Variants in PLVAP observed in about 807,000 individuals in gnomAD.
PLVAP encodes the protein plasmalemma vesicle associated protein.
PLVAP carries 34 observed loss-of-function variants against 43.1 expected under a neutral mutation model. The ratio of observed to expected loss-of-function variants is 0.79; its 90% CI spans 0.60 to 1.05. The LOEUF (loss-of-function observed/expected upper bound fraction) is 1.05, where lower values mean the gene tolerates loss of function less well. Ranked by LOEUF, PLVAP falls within the 50% of genes least tolerant of loss-of-function variation. The pLI is 0.00. For synonymous variants in PLVAP, 241 were observed against 237.3 expected, an observed-to-expected ratio of 1.02 and a Z score of -0.14; for missense variants, 574 against 593.4, an observed-to-expected ratio of 0.97 and a Z score of 0.34.
At chr19:17,356,491 A>T (rs2074507273) in intron 5 of PLVAP, among the ~76,000 whole-genome samples, 1 of 152,048 alleles carries the variant, frequency 6.6e-6, no homozygotes, top group Non-Finnish European at 1.5e-5. Flanking sequence ...ACTAAACACT[A>T]TATTAATGAG....
chr19:17,355,750 G>A (rs955863259), intron 5 of PLVAP, among the ~76,000 whole-genome samples: 2 of 151,598 alleles, frequency 1.3e-5, no homozygotes, highest in African/African-American at 4.8e-5. Context: ...TGGCCATGCT[G>A]GTCTTGAACT....
chr19:17,357,111 A>C (rs1321026340), intron 5 of PLVAP, among the ~76,000 whole-genome samples: 4 of 150,532 alleles, frequency 2.7e-5, no homozygotes, highest in Non-Finnish European at 5.9e-5. Flanking sequence ...GAAACCCCAA[A>C]ATTTTTACAA....
At chr19:17,376,793 G>C in intron 1 of PLVAP, 127 bp downstream of exon 1, 4 of 991,062 alleles carry the variant, frequency 4.0e-6, no homozygotes, top group South Asian at 1.7e-5. Context: ...GCGAGACTCT[G>C]TCTCATAAGA....
At chr19:17,359,475 G>A (rs1324869656) in intron 5 of PLVAP, among the ~76,000 whole-genome samples, 5 of 151,446 alleles carry the variant, frequency 3.3e-5, no homozygotes, top group African/African-American at 1.2e-4. Context: ...GTGTCATCTC[G>A]GCTCACTGCA....
At chr19:17,368,314 C>T (rs1180308129) in intron 1 of PLVAP, among the ~76,000 whole-genome samples, 2 of 151,880 alleles carry the variant, frequency 1.3e-5, no homozygotes, top group Non-Finnish European at 1.5e-5. Flanking sequence ...TCAGGTGATC[C>T]GCCCACCTCG....
chr19:17,363,239 C>A (rs983548811), intron 3 of PLVAP, among the ~76,000 whole-genome samples: 5 of 152,106 alleles, frequency 3.3e-5, no homozygotes, highest in Non-Finnish European at 7.3e-5. Flanking sequence ...TCTGGGCTCG[C>A]TGCAACCTCT....
chr19:17,354,929 AAAT>A (rs2074500599), intron 5 of PLVAP, among the ~76,000 whole-genome samples: 3 of 151,464 alleles, frequency 2.0e-5, no homozygotes, highest in Non-Finnish European at 4.4e-5. Flanking sequence ...TTAAAAATAA[AAAT>A]AAAATCTTGG....
At position 17,365,409 on chromosome 19, in the gene PLVAP, C is replaced by T. The variant is rs369525652; in HGVS notation, c.1056G>A (p.Ala352=). The T allele has an allele frequency of 4.3e-6, 7 of 1,613,162 alleles. No homozygotes were observed. The highest frequency in any genetic ancestry group is 3.3e-5 in the Admixed American group (2 of 59,996). The change falls in exon 3 of 6, where the codon GCG becomes GCA. Residue 352 remains alanine, a synonymous_variant. Transcript: ENST00000252590. Reference sequence around the variant, plus strand: ...GGTTGTCTCGTTCCTTCCGCAGCACCGCCTTCTCCTCCAGCGCTAGCTGGG... The same window carrying T: ...GGTTGTCTCGTTCCTTCCGCAGCACTGCCTTCTCCTCCAGCGCTAGCTGGG... ...RQTQLALEEK[A]VLRKERDNLA...
intron 1 of PLVAP, among the ~76,000 whole-genome samples, chr19:17,366,932 G>A (rs910858764): frequency 4.3e-5 from 6 of 138,916 alleles, no homozygotes; most frequent in African/African-American, 1.1e-4. Context: ...CACTGTGCCC[G>A]GCTCGAATTT....
intron 5 of PLVAP, among the ~76,000 whole-genome samples, chr19:17,356,914 G>A (rs941781109): frequency 2.0e-5 from 3 of 151,728 alleles, no homozygotes; most frequent in Admixed American, 1.3e-4. Context: ...AGCTGAGATC[G>A]GGCCATTGCA....
chr19:17,377,277 G>A lies in PLVAP; in HGVS notation c.12C>T (p.Ala4=). 6.2e-7 allele frequency: 1 copy of A among 1,611,080 alleles called. No individual in the cohort carries two copies. The highest frequency in any genetic ancestry group is 1.7e-4 in the Middle Eastern group (1 of 6,046). Residue 4 remains alanine (A), a synonymous_variant, in exon 1 of 6, where the codon GCC becomes GCT. Transcript: ENST00000252590. MGL[A]MEHGGSYARA... is the part of the protein sequence containing the mutation. Reference sequence around the variant, plus strand: ...GAGCGTAGGACCCTCCGTGCTCCATGGCCAGACCCATTTGCTCGATCCCGC... The same window carrying A: ...GAGCGTAGGACCCTCCGTGCTCCATAGCCAGACCCATTTGCTCGATCCCGC...
Position 17,352,212 on chromosome 19 carries a change from A to G in PLVAP, c.*150T>C, listed in dbSNP as rs2074488711. ...GCGGGTGCGGGTGTGAGAGGGTACTAGGGGTTTGCATGCAGGGAGTTGTCT... is the reference window on the plus strand; with the variant it reads ...GCGGGTGCGGGTGTGAGAGGGTACTGGGGGTTTGCATGCAGGGAGTTGTCT... On this transcript the variant is annotated 3_prime_UTR_variant, in exon 6 of 6. Coordinates refer to ENST00000252590, the MANE Select transcript of PLVAP (RefSeq NM_031310.3). 1 of 976,588 alleles carries G rather than the reference A, an allele frequency of 1.0e-6. No individual in the cohort carries two copies. 60.5% of individuals were successfully genotyped at this position (976,588 alleles called of 1,614,324 possible). A position where few individuals can be genotyped will look rare whatever the true frequency, so the allele number is the denominator to read the frequency against.
At chr19:17,370,827 C>T (rs570253772) in intron 1 of PLVAP, among the ~76,000 whole-genome samples, 93 of 152,102 alleles carry the variant, frequency 6.1e-4, no homozygotes, top group African/African-American at 2.1e-3. Context: ...GAGGCCGAGG[C>T]GGGCGGATCA....
chr19:17,358,997 G>T (rs2074517216), intron 5 of PLVAP, among the ~76,000 whole-genome samples: 1 of 151,926 alleles, frequency 6.6e-6, no homozygotes, highest in African/African-American at 2.4e-5. Context: ...AGGGGGTTTT[G>T]CTATGTTGCC....
At chr19:17,372,906 C>T (rs1409140569) in intron 1 of PLVAP, among the ~76,000 whole-genome samples, 1 of 144,760 alleles carries the variant, frequency 6.9e-6, no homozygotes, top group African/African-American at 2.5e-5. Context: ...ACTAAAAATA[C>T]AAAAAAAAAA....
intron 1 of PLVAP, among the ~76,000 whole-genome samples, chr19:17,371,660 T>A (rs1256069503): frequency 1.3e-5 from 2 of 151,960 alleles, no homozygotes; most frequent in African/African-American, 4.8e-5. Flanking sequence ...CTGGCTAATT[T>A]TTTATAGAGA....
chr19:17,352,170 G>A lies in PLVAP; in HGVS notation c.*192C>T. ...TCATCTCCGCGGCCGTGTGCTCTGG[G>A]TGAGGGATCGTGAGGCGCGGGTGCG... On this transcript the variant is annotated 3_prime_UTR_variant, in exon 6 of 6. Coordinates refer to ENST00000252590, the MANE Select transcript of PLVAP (RefSeq NM_031310.3). The A allele has an allele frequency of 8.4e-6, 6 of 710,720 alleles. No individual in the cohort carries two copies. The highest frequency in any genetic ancestry group is 1.8e-5 in the South Asian group (1 of 56,306). The allele number at this position is 710,720 out of a possible 1,614,324, so 44.0% of individuals were successfully genotyped here. A position where few individuals can be genotyped will look rare whatever the true frequency, so the allele number is the denominator to read the frequency against.
At chr19:17,355,761 C>T (rs1009988832) in intron 5 of PLVAP, among the ~76,000 whole-genome samples, 5 of 151,630 alleles carry the variant, frequency 3.3e-5, no homozygotes, top group Non-Finnish European at 5.9e-5. Flanking sequence ...GTCTTGAACT[C>T]TTAACCTCAT....
At position 17,365,964 on chromosome 19, in the gene PLVAP, C is replaced by T. The variant is rs140492865; in HGVS notation, c.501G>A (p.Thr167=). ...TCTCCTTGGCTATCTCCACCTCCAG[C>T]GTCTTCACCTTCTGATTCAGCATGA... is the stretch of plus-strand genomic sequence containing the variant. ...LLFMLNQKVK[T]LEVEIAKEKT... is the part of the protein sequence containing the mutation. The change falls in exon 3 of 6, where the codon ACG becomes ACA. Residue 167 remains threonine (T), a synonymous_variant. Coordinates refer to ENST00000252590, the MANE Select transcript of PLVAP (RefSeq NM_031310.3). 13 of 1,613,684 alleles carry T rather than the reference C, an allele frequency of 8.1e-6. No individual in the cohort carries two copies. The highest frequency in any genetic ancestry group is 4.0e-5 in the African/African-American group (3 of 74,906).
Sources: allele counts gnomAD v4.1 joint callset (sites outside exome capture counted in the v4.1 genomes callset), GRCh38; gene constraint gnomAD v4.1.1; transcripts MANE v1.5; gene names NCBI Gene and HGNC (gene_info 2026-07-23, HGNC 2026-07-21).